The following RFTN1 variants were observed in gnomAD, a reference collection of about 807,000 sequenced individuals.
RFTN1 encodes raftlin.
Under a neutral mutation model 46.5 loss-of-function variants are expected in RFTN1, and 26 were observed. That is an observed-to-expected ratio of 0.56 (90% CI 0.41 to 0.78). The LOEUF is 0.78. Ranked by LOEUF, RFTN1 falls within the 30% of genes least tolerant of loss-of-function variation. RFTN1 has a pLI of 0.00. For missense variants in RFTN1, 693 were observed against 718.7 expected, an observed-to-expected ratio of 0.96 and a Z score of 0.41; for synonymous variants, 261 against 284.2, an observed-to-expected ratio of 0.92 and a Z score of 0.82.
rs1388363397 is a variant in RFTN1, at chr3:16,440,693, G to T, written c.146-6656C>A. 6.6e-6 allele frequency among the ~76,000 whole-genome samples: 1 copy of T among 151,978 alleles called. No individual in the cohort carries two copies. Among genetic ancestry groups the T allele is most frequent in the Non-Finnish European group, 1.5e-5 (1 of 68,002 alleles). On this transcript the variant is annotated intron_variant, in intron 2 of 9. Coordinates refer to ENST00000334133, the MANE Select transcript of RFTN1 (RefSeq NM_015150.2). The surrounding 1 kb of genome is among the most constrained non-coding windows in gnomAD (Gnocchi z 4.6). ...ACAAGATGGTTACTGCTAATGGGGG[G>T]GGGGCCCAATGGTGCCAGAACTTCT...
intron 2 of RFTN1, among the ~76,000 whole-genome samples, chr3:16,435,287 G>T (rs368798493): frequency 3.3e-5 from 5 of 152,058 alleles, no homozygotes; most frequent in African/African-American, 1.2e-4. Flanking sequence ...TATACTTTTC[G>T]GCCAGGGGCA....
rs1426033976 is a variant in RFTN1 at position 16,473,085 on chromosome 3, T to C, written c.145+20640A>G. On this transcript the variant is annotated intron_variant, in intron 2 of 9. Coordinates refer to ENST00000334133, the MANE Select transcript of RFTN1 (RefSeq NM_015150.2). The surrounding 1 kb of genome is among the most constrained non-coding windows in gnomAD (Gnocchi z 5.3). Reference sequence around the variant, plus strand: ...CGATAACACTCATTTCCCATTTAGATTTTCTGAGGAAGTGACTTTGGACAA... The same window carrying C: ...CGATAACACTCATTTCCCATTTAGACTTTCTGAGGAAGTGACTTTGGACAA... Among the ~76,000 whole-genome samples, 2 of 152,202 alleles carry C rather than the reference T, an allele frequency of 1.3e-5. No individual in the cohort carries two copies. The highest frequency in any genetic ancestry group is 2.9e-5 in the Non-Finnish European group (2 of 68,030).
Position 16,321,935 on chromosome 3 carries a change from A to C in RFTN1, c.1332+1441T>G, listed in dbSNP as rs1408071357. Among the ~76,000 whole-genome samples the C allele has an allele frequency of 6.6e-6, 1 of 151,972 alleles. No individual in the cohort carries two copies. Among genetic ancestry groups the C allele is most frequent in the Non-Finnish European group, 1.5e-5 (1 of 67,958 alleles). On this transcript the variant is annotated intron_variant, in intron 9 of 9. Coordinates refer to ENST00000334133, the MANE Select transcript of RFTN1 (RefSeq NM_015150.2). This position sits in a 1 kb window ranked among gnomAD's most constrained non-coding sequence, Gnocchi z 4.8. ...ATGACCTTCACACCAACATCCAACC[A>C]CATGTCTCTCCTTTGGAATCTGTGT... is the stretch of plus-strand genomic sequence containing the variant.
At position 16,341,730 on chromosome 3, in the gene RFTN1, ATAAAT is replaced by A. The variant is rs1248732891; in HGVS notation, c.1147-14859_1147-14855del. 3.3e-5 allele frequency among the ~76,000 whole-genome samples: 5 copies of A among 152,246 alleles called. No homozygotes were observed. The highest frequency in any genetic ancestry group is 4.4e-5 in the Non-Finnish European group (3 of 68,042). On this transcript the variant is annotated intron_variant, in intron 7 of 9. Coordinates refer to ENST00000334133, the MANE Select transcript of RFTN1 (RefSeq NM_015150.2). The surrounding 1 kb of genome is among the most constrained non-coding windows in gnomAD (Gnocchi z 4.7). ...AACCCACCAATGGAAAACTAATTAAATAAATTAAAATTTTTCATAGATTGAAGTAC... is the reference window on the plus strand; with the variant it reads ...AACCCACCAATGGAAAACTAATTAAATAAAATTTTTCATAGATTGAAGTAC...
At chr3:16,395,650 T>C (rs2074451789) in intron 4 of RFTN1, among the ~76,000 whole-genome samples, 1 of 152,256 alleles carries the variant, frequency 6.6e-6, no homozygotes, top group African/African-American at 2.4e-5. Context: ...GGTCTTGCTA[T>C]GTTGCCCAGA....
In RFTN1 at chr3:16,374,884, G is replaced by A. The variant is rs2125370708; in HGVS notation, c.826+2834C>T. 6.6e-6 allele frequency among the ~76,000 whole-genome samples: 1 copy of A among 152,302 alleles called. No individual in the cohort carries two copies. Among genetic ancestry groups the A allele is most frequent in the Non-Finnish European group, 1.5e-5 (1 of 68,016 alleles). On this transcript the variant is annotated intron_variant, in intron 5 of 9. Transcript: ENST00000334133. The surrounding 1 kb of genome is among the most constrained non-coding windows in gnomAD (Gnocchi z 5.4). Reference sequence around the variant, plus strand: ...CCCAAGAACCTGCAGGGGCAAGGAGGCGTGACGGCTGCACCGAGCCCGCAG... The same window carrying A: ...CCCAAGAACCTGCAGGGGCAAGGAGACGTGACGGCTGCACCGAGCCCGCAG...
At position 16,426,824 on chromosome 3, in the gene RFTN1, T is replaced by C. The variant is rs1447405335; in HGVS notation, c.332+7027A>G. ...AATTTATGGTCCTTTAGTAAAAGATTGTAGCAAAATTCCAGGGCATGGTTT... is the reference window on the plus strand; with the variant it reads ...AATTTATGGTCCTTTAGTAAAAGATCGTAGCAAAATTCCAGGGCATGGTTT... On this transcript the variant is annotated intron_variant, in intron 3 of 9. Transcript: ENST00000334133. The surrounding 1 kb of genome is among the most constrained non-coding windows in gnomAD (Gnocchi z 5.9). 1.3e-5 allele frequency among the ~76,000 whole-genome samples: 2 copies of C among 152,146 alleles called. No homozygotes were observed. The highest frequency in any genetic ancestry group is 2.1e-4 in the South Asian group (1 of 4,824).
rs2071026478 is a variant in RFTN1, at chr3:16,338,020, ATGTTGC to A, written c.1147-11150_1147-11145del. 6.6e-6 allele frequency among the ~76,000 whole-genome samples: 1 copy of A among 152,138 alleles called. No individual in the cohort carries two copies. Among genetic ancestry groups the A allele is most frequent in the Non-Finnish European group, 1.5e-5 (1 of 68,018 alleles). ...ACTGGGTAGATCGTCCTAGCTCGAG[ATGTTGC>A]CCTGGCTTCTCCTAAAGCACCATGC... On this transcript the variant is annotated intron_variant, in intron 7 of 9. Transcript: ENST00000334133. This position sits in a 1 kb window ranked among gnomAD's most constrained non-coding sequence, Gnocchi z 5.3.
chr3:16,470,427 G>C (rs2076174732), intron 2 of RFTN1, among the ~76,000 whole-genome samples: 1 of 152,202 alleles, frequency 6.6e-6, no homozygotes, highest in East Asian at 1.9e-4. Flanking sequence ...GGTACCACAG[G>C]AGCAGCTAAA....
chr3:16,469,117 CT>C (rs2076150378), intron 2 of RFTN1, among the ~76,000 whole-genome samples: 1 of 152,222 alleles, frequency 6.6e-6, no homozygotes, highest in African/African-American at 2.4e-5. Context: ...AAATATCTAG[CT>C]GTCTATTGAA....
At chr3:16,395,559 C>G (rs1332771972) in intron 4 of RFTN1, among the ~76,000 whole-genome samples, 1 of 152,072 alleles carries the variant, frequency 6.6e-6, no homozygotes, top group South Asian at 2.1e-4. Context: ...GATCCACCCC[C>G]CTCGGCCTCC....
rs542813388 is a variant in RFTN1, at chr3:16,381,276, T to C, written c.442-3174A>G. Among the ~76,000 whole-genome samples the C allele has an allele frequency of 2.0e-5, 3 of 152,348 alleles. No homozygotes were observed. In the South Asian group the frequency reaches 6.2e-4, roughly 32 times the overall value. ...TAAGTGATTTTTTTCTATTACTGTG[T>C]AATTTTCAAAATTTACTTAAGGGGC... On this transcript the variant is annotated intron_variant, in intron 4 of 9. Coordinates refer to ENST00000334133, the MANE Select transcript of RFTN1 (RefSeq NM_015150.2). The surrounding 1 kb of genome is among the most constrained non-coding windows in gnomAD (Gnocchi z 4.2).
chr3:16,355,076 C>T (rs796370695), intron 7 of RFTN1, among the ~76,000 whole-genome samples: 12 of 152,224 alleles, frequency 7.9e-5, no homozygotes, highest in South Asian at 2.1e-4. Context: ...AGATAATTTC[C>T]GATAAGTCTG....
rs185634137 is a variant in RFTN1 at position 16,327,629 on chromosome 3, C to T, written c.1147-753G>A. Among the ~76,000 whole-genome samples, 4,585 of 152,030 alleles carry T rather than the reference C, an allele frequency of 0.03. 108 individuals are homozygous for T. The highest frequency in any genetic ancestry group is 0.082 in the Middle Eastern group (24 of 294). ...AAAAAAAATTAGCCAGGCCTGGTGGCGGGCGCCTGTAGTCCCAGCTACTCG... is the reference window on the plus strand; with the variant it reads ...AAAAAAAATTAGCCAGGCCTGGTGGTGGGCGCCTGTAGTCCCAGCTACTCG... On this transcript the variant is annotated intron_variant, in intron 7 of 9. Coordinates refer to ENST00000334133, the MANE Select transcript of RFTN1 (RefSeq NM_015150.2). The surrounding 1 kb of genome is among the most constrained non-coding windows in gnomAD (Gnocchi z 4.2).
At chr3:16,434,189 A>G (rs2075451497) in intron 2 of RFTN1, 152 bp from the exon 3 acceptor site, 1 of 670,672 alleles carries the variant, frequency 1.5e-6, no homozygotes, top group African/African-American at 1.8e-5. Flanking sequence ...AACAGACTTT[A>G]TAAGCAGCCT....
At chr3:16,444,497 A>G (rs6777165) in intron 2 of RFTN1, among the ~76,000 whole-genome samples, 19,156 of 152,190 alleles carry the variant, frequency 0.13, 1,386 homozygotes, top group African/African-American at 0.18. Context: ...CAGTCTGAGC[A>G]AGTGTGAGTG....
intron 4 of RFTN1, among the ~76,000 whole-genome samples, chr3:16,393,223 T>C (rs1270227225): frequency 6.6e-6 from 1 of 152,136 alleles, no homozygotes. Context: ...AGCTGCTCTC[T>C]TAAAGATGGG....
chr3:16,376,741 C>G lies in RFTN1; in HGVS notation c.826+977G>C, dbSNP rs1413062116. On this transcript the variant is annotated intron_variant, in intron 5 of 9. Transcript: ENST00000334133. This position sits in a 1 kb window ranked among gnomAD's most constrained non-coding sequence, Gnocchi z 4.7. The stretch of plus-strand genomic sequence containing the variant: ...GCTCCAATATCTCCCTCTAAATCAA[C>G]TTTGCAAATAAGCCCCTGGAATTAA... Among the ~76,000 whole-genome samples the G allele has an allele frequency of 6.6e-6, 1 of 152,206 alleles. No homozygotes were observed. The highest frequency in any genetic ancestry group is 1.9e-4 in the East Asian group (1 of 5,196).
intron 7 of RFTN1, among the ~76,000 whole-genome samples, chr3:16,332,311 T>C (rs887015171): frequency 2.0e-5 from 3 of 150,532 alleles, no homozygotes; most frequent in African/African-American, 7.4e-5. Flanking sequence ...TTAATTTTGC[T>C]TTCTGAGAGA....
Sources: gnomAD v4.1 joint callset for allele counts (sites outside exome capture counted in the v4.1 genomes callset) on GRCh38, gnomAD v4.1.1 for gene constraint, Gnocchi (gnomAD v3.1) non-coding constraint, MANE v1.5 for transcripts, NCBI Gene and HGNC (gene_info 2026-07-23, HGNC 2026-07-21) for gene names.